AGAP1: variants seen among roughly 807,000 people sequenced by gnomAD.
AGAP1 encodes arf-GAP with GTPase, ANK repeat and PH domain-containing protein 1.
A neutral mutation model predicts 105.3 loss-of-function variants in AGAP1; 29 were observed. That is an observed-to-expected ratio of 0.28 (90% CI 0.21 to 0.38). The LOEUF is 0.38. Among genes scored for constraint, AGAP1 ranks in the 10% least tolerant of loss-of-function variants. The pLI, the probability that AGAP1 is intolerant of heterozygous loss-of-function variation, is 1.00. For missense variants in AGAP1, 998 were observed against 1,165.1 expected, an observed-to-expected ratio of 0.86 and a Z score of 2.09; for synonymous variants, 509 against 485.9, an observed-to-expected ratio of 1.05 and a Z score of -0.63.
intron 2 of AGAP1, among the ~76,000 whole-genome samples, chr2:235,711,999 AG>A (rs1439100304): frequency 6.6e-6 from 1 of 152,096 alleles, no homozygotes; most frequent in Non-Finnish European, 1.5e-5. Context: ...CAAGAGTGGT[AG>A]TACCATGCCT....
intron 1 of AGAP1, among the ~76,000 whole-genome samples, chr2:235,603,744 A>G (rs1333407422): frequency 6.6e-6 from 1 of 152,162 alleles, no homozygotes; most frequent in Admixed American, 6.5e-5. Context: ...GTGTCTCTCC[A>G]TGTGTGAAGT....
chr2:235,728,352 A>C lies in AGAP1; in HGVS notation c.310+10708A>C, dbSNP rs1204373226. ...GCGTGCTCTTAAATCAATGTAAATTAGGCTATATACAGCTGCCAATAATCT... is the reference window on the plus strand; with the variant it reads ...GCGTGCTCTTAAATCAATGTAAATTCGGCTATATACAGCTGCCAATAATCT... On this transcript the variant is annotated intron_variant, in intron 3 of 17. Transcript: ENST00000304032. The surrounding 1 kb of genome is among the most constrained non-coding windows in gnomAD (Gnocchi z 4.3). Among the ~76,000 whole-genome samples the C allele has an allele frequency of 1.4e-5, 2 of 147,536 alleles. No individual in the cohort carries two copies. The highest frequency in any genetic ancestry group is 1.3e-4 in the Admixed American group (2 of 15,066).
chr2:235,745,803 A>G (rs1433465501), intron 5 of AGAP1, among the ~76,000 whole-genome samples: 1 of 152,190 alleles, frequency 6.6e-6, no homozygotes, highest in East Asian at 1.9e-4. Context: ...CGAACCTACA[A>G]AAGCCCAGAT....
At chr2:236,030,163 G>A (rs767074705) in intron 13 of AGAP1, among the ~76,000 whole-genome samples, 26 of 152,136 alleles carry the variant, frequency 1.7e-4, no homozygotes, top group African/African-American at 4.6e-4. Context: ...GTCTGTGATC[G>A]TCTTGATATT....
rs1448930939 is a variant in AGAP1, at chr2:235,573,039, C to CT, written c.163+78192dup. ...TCTTCTTCTTCTTCTTCTTCTTCTT[C>CT]TTCTTCTTCTTCTTCTTCTTCTTTC... On this transcript the variant is annotated intron_variant, in intron 1 of 17. Transcript: ENST00000304032. Among the ~76,000 whole-genome samples, 254 of 25,456 alleles carry CT rather than the reference C, an allele frequency of 1.0e-2. 12 individuals are homozygous for CT. The highest frequency in any genetic ancestry group is 0.013 in the African/African-American group (46 of 3,482). The allele number at this position is 25,456 out of a possible 152,430, so 16.7% of individuals were successfully genotyped here. A position where few individuals can be genotyped will look rare whatever the true frequency, so the allele number is the denominator to read the frequency against.
Position 235,864,896 on chromosome 2 carries a change from C to T in AGAP1, c.1051-18449C>T, listed in dbSNP as rs1282462879. On this transcript the variant is annotated intron_variant, in intron 9 of 17. Coordinates refer to ENST00000304032, the MANE Select transcript of AGAP1 (RefSeq NM_001037131.3). This position sits in a 1 kb window ranked among gnomAD's most constrained non-coding sequence, Gnocchi z 5.0. ...GATTAGCATTTGGTTCTGGTTGGGA[C>T]TTAATAATGCTAGCCAGACCTAATG... is the stretch of plus-strand genomic sequence containing the variant. Among the ~76,000 whole-genome samples, 1 of 152,092 alleles carries T rather than the reference C, an allele frequency of 6.6e-6. No homozygotes were observed. Among genetic ancestry groups the T allele is most frequent in the Non-Finnish European group, 1.5e-5 (1 of 68,026 alleles).
At chr2:236,072,870 AGTAGCTGCAT>A (rs2058539708) in intron 16 of AGAP1, among the ~76,000 whole-genome samples, 1 of 152,206 alleles carries the variant, frequency 6.6e-6, no homozygotes, top group African/African-American at 2.4e-5. Context: ...TAAATTTTCT[AGTAGCTGCAT>A]GTTAAAAAGT....
intron 9 of AGAP1, among the ~76,000 whole-genome samples, chr2:235,834,562 C>T (rs943562422): frequency 6.6e-6 from 1 of 152,198 alleles, no homozygotes; most frequent in Non-Finnish European, 1.5e-5. Flanking sequence ...TTACATATTC[C>T]ATGCCTGCCT....
At chr2:235,562,503 G>A (rs184639334) in intron 1 of AGAP1, among the ~76,000 whole-genome samples, 4 of 152,142 alleles carry the variant, frequency 2.6e-5, no homozygotes, top group Admixed American at 2.0e-4. Context: ...CAGTCAACTC[G>A]CCAAGGTGCC....
chr2:235,575,350 C>A (rs1018524794), intron 1 of AGAP1, among the ~76,000 whole-genome samples: 1 of 152,110 alleles, frequency 6.6e-6, no homozygotes, highest in Non-Finnish European at 1.5e-5. Context: ...AATATTAATA[C>A]TTAGGATAAA....
At chr2:235,522,589 T>A (rs1257497408) in intron 1 of AGAP1, among the ~76,000 whole-genome samples, 2 of 152,116 alleles carry the variant, frequency 1.3e-5, no homozygotes, top group East Asian at 3.9e-4. Context: ...TTGAGCTTGA[T>A]GAGTGTTTGG....
intron 9 of AGAP1, among the ~76,000 whole-genome samples, chr2:235,834,113 G>A (rs960182937): frequency 6.6e-6 from 1 of 152,108 alleles, no homozygotes; most frequent in African/African-American, 2.4e-5. Context: ...GTTCTCATTT[G>A]CCCGGTTGGA....
chr2:236,102,656 A>T (rs1398706118), intron 16 of AGAP1, among the ~76,000 whole-genome samples: 1 of 152,006 alleles, frequency 6.6e-6, no homozygotes, highest in Non-Finnish European at 1.5e-5. Context: ...CCTGTGTTAA[A>T]TGCCGAGTGG....
intron 1 of AGAP1, among the ~76,000 whole-genome samples, chr2:235,698,271 C>CGCTTTGCTTT (rs11282784): frequency 6.6e-6 from 1 of 151,688 alleles, no homozygotes; most frequent in Non-Finnish European, 1.5e-5. Context: ...GATGAAGCTT[C>CGCTTTGCTTT]GCTTTGCTTG....
Position 235,706,288 on chromosome 2 carries a change from A to T in AGAP1, c.164-2891A>T, listed in dbSNP as rs1412416148. ...CGCCCAGGCTGGAGTGCAGTGGCACAGTCTCGGCTCACTGCAACCTCCGCC... is the reference window on the plus strand; with the variant it reads ...CGCCCAGGCTGGAGTGCAGTGGCACTGTCTCGGCTCACTGCAACCTCCGCC... On this transcript the variant is annotated intron_variant, in intron 1 of 17. Coordinates refer to ENST00000304032, the MANE Select transcript of AGAP1 (RefSeq NM_001037131.3). Among the ~76,000 whole-genome samples, 4 of 152,156 alleles carry T rather than the reference A, an allele frequency of 2.6e-5. No homozygotes were observed. The East Asian group carries it at 7.7e-4, about 29-fold the overall frequency.
At position 235,622,786 on chromosome 2, in the gene AGAP1, A is replaced by T. The variant is rs972096895; in HGVS notation, c.164-86393A>T. On this transcript the variant is annotated intron_variant, in intron 1 of 17. Coordinates refer to ENST00000304032, the MANE Select transcript of AGAP1 (RefSeq NM_001037131.3). The surrounding 1 kb of genome is among the most constrained non-coding windows in gnomAD (Gnocchi z 5.0). ...CTAAGCCATTTTCCCAGGCCGGGTT[A>T]TGCAGTGAGACTTCAGGGCAGGCAC... is the stretch of plus-strand genomic sequence containing the variant. 6.6e-6 allele frequency among the ~76,000 whole-genome samples: 1 copy of T among 152,044 alleles called. No homozygotes were observed. The highest frequency in any genetic ancestry group is 6.6e-5 in the Admixed American group (1 of 15,256).
intron 9 of AGAP1, among the ~76,000 whole-genome samples, chr2:235,811,579 TC>T (rs1958142216): frequency 6.6e-6 from 1 of 152,238 alleles, no homozygotes; most frequent in South Asian, 2.1e-4. Context: ...TACTGATTAT[TC>T]CCCGTCCCTG....
rs1286675521 is a variant in AGAP1, at chr2:235,889,121, AC to A, written c.1155+5673del. ...CACGAACTTCAAGTATCAGTCCCAG[AC>A]AGATGTTTTCCACACATCGGTGTGT... is the stretch of plus-strand genomic sequence containing the variant. On this transcript the variant is annotated intron_variant, in intron 10 of 17. Transcript: ENST00000304032. The surrounding 1 kb of genome is among the most constrained non-coding windows in gnomAD (Gnocchi z 4.6). 6.6e-6 allele frequency among the ~76,000 whole-genome samples: 1 copy of A among 152,184 alleles called. No individual in the cohort carries two copies. Among genetic ancestry groups the A allele is most frequent in the Non-Finnish European group, 1.5e-5 (1 of 68,034 alleles).
In AGAP1 at chr2:235,983,216, G is replaced by A. The variant is rs921712363; in HGVS notation, c.1645+14593G>A. ...GTGCCCAGCAAGGGGAGCTGCAGGAGGGTCTCTTTACAGGTGTGCAAAGGA... is the reference window on the plus strand; with the variant it reads ...GTGCCCAGCAAGGGGAGCTGCAGGAAGGTCTCTTTACAGGTGTGCAAAGGA... On this transcript the variant is annotated intron_variant, in intron 13 of 17. Transcript: ENST00000304032. The surrounding 1 kb of genome is among the most constrained non-coding windows in gnomAD (Gnocchi z 4.5). 6.6e-6 allele frequency among the ~76,000 whole-genome samples: 1 copy of A among 152,102 alleles called. No individual in the cohort carries two copies. The highest frequency in any genetic ancestry group is 2.4e-5 in the African/African-American group (1 of 41,428).
Sources: gnomAD v4.1 joint callset for allele counts (sites outside exome capture counted in the v4.1 genomes callset) on GRCh38, gnomAD v4.1.1 for gene constraint, Gnocchi (gnomAD v3.1) non-coding constraint, MANE v1.5 for transcripts, NCBI Gene and HGNC (gene_info 2026-07-23, HGNC 2026-07-21) for gene names.